Variants in DPP10 observed in about 807,000 individuals in gnomAD.
DPP10 encodes inactive dipeptidyl peptidase 10.
In DPP10, 33 loss-of-function variants were observed where a neutral mutation model predicts 120.9. The ratio of observed to expected loss-of-function variants is 0.27; its 90% confidence interval spans 0.21 to 0.37. The LOEUF (loss-of-function observed/expected upper bound fraction) is 0.37, where lower values mean the gene tolerates loss of function less well. Ranked by LOEUF, DPP10 falls within the 10% of genes least tolerant of loss-of-function variation. DPP10 has a pLI of 1.00. For missense variants in DPP10, 816 were observed against 942.8 expected (o/e 0.87, Z 1.76); for synonymous variants, 337 against 326.1 (o/e 1.03, Z -0.36).
At chr2:115,830,765 T>C (rs961021833) in intron 21 of DPP10, among the ~76,000 whole-genome samples, 3 of 152,162 alleles carry the variant, frequency 2.0e-5, no homozygotes, top group Admixed American at 6.5e-5. Context: ...TAGGAGATCA[T>C]GTTTGAACTA....
chr2:114,536,444 C>T (rs1369300056), intron 1 of DPP10, among the ~76,000 whole-genome samples: 2 of 127,270 alleles, frequency 1.6e-5, no homozygotes, highest in African/African-American at 6.0e-5. Context: ...CTCGCTCTGT[C>T]ACCCCGGCTG....
At chr2:115,723,615 G>GT (rs1288062873) in intron 7 of DPP10, among the ~76,000 whole-genome samples, 11 of 29,798 alleles carry the variant, frequency 3.7e-4, no homozygotes, top group Non-Finnish European at 1.4e-3. Context: ...TGTTGTTGTT[G>GT]TTTTTTGTTT....
chr2:115,711,916 G>GTTTTTTTTTTTTTT (rs1245249118), intron 7 of DPP10, among the ~76,000 whole-genome samples: 1 of 44,728 alleles, frequency 2.2e-5, no homozygotes, highest in Non-Finnish European at 4.9e-5. Flanking sequence ...AAATGGTCTG[G>GTTTTTTTTTTTTTT]TTTTTTTTTT....
At chr2:115,462,392 T>G (rs1344848238) in intron 3 of DPP10, among the ~76,000 whole-genome samples, 3 of 152,194 alleles carry the variant, frequency 2.0e-5, no homozygotes, top group African/African-American at 7.2e-5. Context: ...AGCAAGGTGA[T>G]CACTACAGTG....
chr2:115,347,162 T>C (rs759304128), intron 3 of DPP10, among the ~76,000 whole-genome samples: 48 of 152,168 alleles, frequency 3.2e-4, no homozygotes, highest in Non-Finnish European at 5.9e-4. Context: ...TAGGGAAAAC[T>C]GTCCATTTGT....
chr2:114,744,790 C>T (rs1182233808), intron 1 of DPP10, among the ~76,000 whole-genome samples: 1 of 151,888 alleles, frequency 6.6e-6, no homozygotes, highest in African/African-American at 2.4e-5. Flanking sequence ...TAGACGGAGT[C>T]TCACTCTGTC....
intron 1 of DPP10, among the ~76,000 whole-genome samples, chr2:114,780,333 T>C (rs1216628906): frequency 1.3e-5 from 2 of 152,130 alleles, no homozygotes; most frequent in African/African-American, 4.8e-5. Context: ...ATCATACTTA[T>C]TTTTCTCATG....
intron 1 of DPP10, among the ~76,000 whole-genome samples, chr2:115,006,166 C>A (rs2105044949): frequency 6.6e-6 from 1 of 152,042 alleles, no homozygotes; most frequent in East Asian, 1.9e-4. Context: ...CAAGCAAATG[C>A]TGAGAGATTT....
chr2:115,715,206 G>A (rs2092450824), intron 7 of DPP10, among the ~76,000 whole-genome samples: 1 of 151,152 alleles, frequency 6.6e-6, no homozygotes, highest in African/African-American at 2.4e-5. Context: ...GGGCGTGGTG[G>A]CACATGCCTG....
intron 1 of DPP10, among the ~76,000 whole-genome samples, chr2:114,662,869 C>T (rs1697538212): frequency 6.6e-6 from 1 of 152,142 alleles, no homozygotes; most frequent in South Asian, 2.1e-4. Context: ...CTGTTTCCCT[C>T]GTAGCCGGGT....
intron 1 of DPP10, among the ~76,000 whole-genome samples, chr2:114,954,678 T>C (rs1416439656): frequency 6.6e-6 from 1 of 151,958 alleles, no homozygotes; most frequent in African/African-American, 2.4e-5. Flanking sequence ...GTGTTTGTTG[T>C]CTGAAAAGAT....
intron 1 of DPP10, among the ~76,000 whole-genome samples, chr2:114,716,669 CT>C: frequency 6.6e-6 from 1 of 152,134 alleles, no homozygotes; most frequent in Non-Finnish European, 1.5e-5. Context: ...ACTGGTTGAT[CT>C]TCCTTGTTCA....
chr2:115,264,984 A>G (rs2059401290), intron 1 of DPP10, among the ~76,000 whole-genome samples: 1 of 152,160 alleles, frequency 6.6e-6, no homozygotes, highest in Non-Finnish European at 1.5e-5. Context: ...GGTTAGAGAA[A>G]TATAAGCCCC....
chr2:115,781,521 A>C (rs964352906), intron 16 of DPP10, among the ~76,000 whole-genome samples: 1 of 151,956 alleles, frequency 6.6e-6, no homozygotes, highest in Non-Finnish European at 1.5e-5. Context: ...TATCTCTACA[A>C]TATATTCATA....
Position 114,559,028 on chromosome 2 carries a change from G to A in DPP10, c.60+116190G>A, listed in dbSNP as rs561702813. Among the ~76,000 whole-genome samples the A allele has an allele frequency of 2.4e-4, 37 of 152,234 alleles. No homozygotes were observed. The East Asian group carries it at 5.4e-3, about 22-fold the overall frequency. ...CAAATACATCTCCATGTCGACATACGTGTCCATGTACAAGTACATTCAAGT... is the reference window on the plus strand; with the variant it reads ...CAAATACATCTCCATGTCGACATACATGTCCATGTACAAGTACATTCAAGT... On this transcript the variant is annotated intron_variant, in intron 1 of 25. Transcript: ENST00000410059.
chr2:114,448,566 T>C (rs1678077511), intron 1 of DPP10, among the ~76,000 whole-genome samples: 1 of 152,224 alleles, frequency 6.6e-6, no homozygotes, highest in South Asian at 2.1e-4. Context: ...TTAGACCTAC[T>C]AAGTCAGAAA....
intron 5 of DPP10, among the ~76,000 whole-genome samples, chr2:115,658,856 G>A (rs140340163): frequency 1.4e-4 from 21 of 152,196 alleles, no homozygotes; most frequent in African/African-American, 5.1e-4. Context: ...AAGAAAGCTT[G>A]TCCAGCCTCC....
intron 5 of DPP10, among the ~76,000 whole-genome samples, chr2:115,629,782 AC>A (rs1167037872): frequency 6.6e-6 from 1 of 152,176 alleles, no homozygotes; most frequent in East Asian, 1.9e-4. Flanking sequence ...TGGTACCAGT[AC>A]CATGCTGTTT....
intron 1 of DPP10, among the ~76,000 whole-genome samples, chr2:115,251,585 G>A (rs1005721060): frequency 2.6e-5 from 4 of 152,120 alleles, no homozygotes; most frequent in African/African-American, 9.7e-5. Flanking sequence ...GATAAAATGA[G>A]GAGAGGGGCA....
Sources: allele counts gnomAD v4.1 joint callset (sites outside exome capture counted in the v4.1 genomes callset), GRCh38; gene constraint gnomAD v4.1.1; transcripts MANE v1.5; gene names NCBI Gene and HGNC (gene_info 2026-07-23, HGNC 2026-07-21).